The following CDK14 variants were observed in gnomAD, a reference collection of about 807,000 sequenced individuals.
The protein encoded by CDK14 is cyclin-dependent kinase 14.
CDK14 carries 34 observed loss-of-function variants against 60.7 expected under a neutral mutation model. The observed-to-expected ratio is 0.56, with a 90% CI of 0.43 to 0.75. CDK14 has a LOEUF of 0.75. Among genes scored for constraint, CDK14 ranks in the 30% least tolerant of loss-of-function variants. The probability of loss-of-function intolerance (pLI) is 0.00; values close to 1 mark genes in which losing one functional copy is unlikely to be tolerated. For missense variants in CDK14, 482 were observed against 564.1 expected, an observed-to-expected ratio of 0.85 and a Z score of 1.47; for synonymous variants, 197 against 203.7, an observed-to-expected ratio of 0.97 and a Z score of 0.28.
chr7:91,075,222 C>T (rs1451184298), intron 11 of CDK14, among the ~76,000 whole-genome samples: 3 of 152,298 alleles, frequency 2.0e-5, no homozygotes, highest in Non-Finnish European at 4.4e-5. Context: ...CCTTGATGAG[C>T]ATTGAAACAA....
At chr7:90,600,700 T>TA (rs1225259161) in intron 1 of CDK14, among the ~76,000 whole-genome samples, 1 of 152,244 alleles carries the variant, frequency 6.6e-6, no homozygotes, top group Non-Finnish European at 1.5e-5. Flanking sequence ...TTAACTGTTG[T>TA]ACCACATTTT....
chr7:90,749,159 T>C (rs911062125), intron 4 of CDK14, among the ~76,000 whole-genome samples: 5 of 152,176 alleles, frequency 3.3e-5, no homozygotes, highest in African/African-American at 1.2e-4. Flanking sequence ...AAAAAAAGTT[T>C]GTAAAAATGG....
rs1226736024 is a variant in CDK14, at chr7:90,649,394, CTTCTTTCTTTCT to C, written c.123+45161_123+45172del. 9.1e-4 allele frequency among the ~76,000 whole-genome samples: 27 copies of C among 29,790 alleles called. 1 individual carries two copies. The highest frequency in any genetic ancestry group is 1.7e-3 in the African/African-American group (14 of 8,448). The allele number at this position is 29,790 out of a possible 152,430, so 19.5% of individuals were successfully genotyped here. A position where few individuals can be genotyped will look rare whatever the true frequency, so the allele number is the denominator to read the frequency against. The stretch of plus-strand genomic sequence containing the variant: ...CCTTCCTTCCTTCCTTCCTTCCTTC[CTTCTTTCTTTCT>C]TTCTTTCTTTCTTTCCTTCTTTCTT... On this transcript the variant is annotated intron_variant, in intron 2 of 14. Coordinates refer to ENST00000380050, the MANE Select transcript of CDK14 (RefSeq NM_001287135.2).
chr7:91,048,942 A>G (rs1797312388), intron 11 of CDK14, among the ~76,000 whole-genome samples: 1 of 152,062 alleles, frequency 6.6e-6, no homozygotes, highest in South Asian at 2.1e-4. Context: ...TGGTGCGATT[A>G]CAACTCACTG....
intron 10 of CDK14, among the ~76,000 whole-genome samples, chr7:91,022,975 A>G (rs914658070): frequency 6.7e-6 from 1 of 149,878 alleles, no homozygotes; most frequent in Admixed American, 6.7e-5. Context: ...AGAAGAAAAA[A>G]CTCTTTGGGC....
intron 11 of CDK14, among the ~76,000 whole-genome samples, chr7:91,057,121 T>C (rs1360985110): frequency 3.9e-5 from 6 of 152,192 alleles, no homozygotes; most frequent in African/African-American, 1.4e-4. Flanking sequence ...TGAGATGGTA[T>C]CTCATTGTGG....
intron 6 of CDK14, among the ~76,000 whole-genome samples, chr7:90,876,785 G>A (rs183929318): frequency 6.6e-5 from 10 of 152,312 alleles, no homozygotes; most frequent in South Asian, 2.1e-4. Context: ...ATGTTAAAGC[G>A]TGCCATTATG....
intron 14 of CDK14, among the ~76,000 whole-genome samples, chr7:91,154,611 G>T (rs902406327): frequency 2.6e-5 from 4 of 152,088 alleles, no homozygotes; most frequent in African/African-American, 7.2e-5. Context: ...AGATGGCTGG[G>T]TTCAAATCCT....
chr7:91,006,427 C>T lies in CDK14; in HGVS notation c.1041+22186C>T, dbSNP rs576990088. 6.1e-4 allele frequency among the ~76,000 whole-genome samples: 93 copies of T among 152,338 alleles called. No homozygotes were observed. The South Asian group carries it at 0.018, about 30-fold the overall frequency. ...TTTTCTTTTTTCAGAAAACATTACA[C>T]ATAACTCCTGGATAGAAATTCCTTA... On this transcript the variant is annotated intron_variant, in intron 10 of 14. Coordinates refer to ENST00000380050, the MANE Select transcript of CDK14 (RefSeq NM_001287135.2).
chr7:90,632,709 A>T (rs1800030626), intron 2 of CDK14: 1 of 152,310 alleles, frequency 6.6e-6, no homozygotes, highest in Non-Finnish European at 1.5e-5. Flanking sequence ...ACTTGTTTTA[A>T]AAAAGGAAAA....
At chr7:90,810,319 T>C (rs1789039487) in intron 5 of CDK14, among the ~76,000 whole-genome samples, 1 of 152,016 alleles carries the variant, frequency 6.6e-6, no homozygotes, top group Non-Finnish European at 1.5e-5. Context: ...GTTCAACATA[T>C]GCAAATCAAA....
intron 4 of CDK14, among the ~76,000 whole-genome samples, chr7:90,789,895 A>G (rs948066386): frequency 1.3e-5 from 2 of 152,108 alleles, no homozygotes; most frequent in African/African-American, 4.8e-5. Context: ...CCATAGCACA[A>G]TCTTACTTTT....
intron 5 of CDK14, among the ~76,000 whole-genome samples, chr7:90,859,940 G>GT (rs374213365): frequency 1.4e-4 from 21 of 151,340 alleles, no homozygotes; most frequent in Non-Finnish European, 2.5e-4. Context: ...ATGTTTTTTT[G>GT]TTTTTTTTCT....
intron 10 of CDK14, among the ~76,000 whole-genome samples, chr7:90,990,253 G>T (rs1029404687): frequency 6.6e-6 from 1 of 152,172 alleles, no homozygotes; most frequent in African/African-American, 2.4e-5. Flanking sequence ...ACTCCAGCCT[G>T]CGTGACAGAG....
chr7:90,945,839 T>C (rs1019130517), intron 8 of CDK14, among the ~76,000 whole-genome samples: 14 of 152,182 alleles, frequency 9.2e-5, no homozygotes, highest in African/African-American at 3.4e-4. Flanking sequence ...CACTGAAGCT[T>C]AGCCCCAAAT....
At chr7:90,909,003 A>G (rs1360757356) in intron 7 of CDK14, among the ~76,000 whole-genome samples, 4 of 152,172 alleles carry the variant, frequency 2.6e-5, no homozygotes, top group African/African-American at 9.6e-5. Flanking sequence ...TTGATTGAGT[A>G]TCTAAAATGT....
chr7:91,041,691 T>C (rs1167593240), intron 10 of CDK14, among the ~76,000 whole-genome samples: 1 of 152,242 alleles, frequency 6.6e-6, no homozygotes, highest in Non-Finnish European at 1.5e-5. Context: ...ACTCCCTTGA[T>C]GAATTTTACT....
intron 6 of CDK14, among the ~76,000 whole-genome samples, chr7:90,898,895 TATAAA>T (rs1792416762): frequency 6.6e-6 from 1 of 151,978 alleles, no homozygotes; most frequent in African/African-American, 2.4e-5. Flanking sequence ...TTTTATCTCA[TATAAA>T]ATAAATATTT....
intron 2 of CDK14, among the ~76,000 whole-genome samples, chr7:90,690,366 C>A (rs1196821496): frequency 6.6e-6 from 1 of 152,084 alleles, no homozygotes; most frequent in Non-Finnish European, 1.5e-5. Context: ...CTTTTTAGTG[C>A]CCCAGGTTTC....
Sources: allele counts gnomAD v4.1 joint callset (sites outside exome capture counted in the v4.1 genomes callset), GRCh38; gene constraint gnomAD v4.1.1; transcripts MANE v1.5; gene names NCBI Gene and HGNC (gene_info 2026-07-23, HGNC 2026-07-21).